The following ZNF701 variants were observed in gnomAD, a reference collection of about 807,000 sequenced individuals.
The protein encoded by ZNF701 is zinc finger protein 701.
ZNF701 carries 6 observed loss-of-function variants against 7.1 expected under a neutral mutation model. The observed-to-expected ratio is 0.84, with a 90% confidence interval of 0.46 to 1.66. ZNF701 has a LOEUF of 1.66. Ranked by LOEUF, ZNF701 falls within the 40% of genes most tolerant of loss-of-function variation. The probability of loss-of-function intolerance (pLI) is 0.01; values close to 1 mark genes in which losing one functional copy is unlikely to be tolerated. For synonymous variants in ZNF701, 166 were observed against 188.2 expected, an observed-to-expected ratio of 0.88 and a Z score of 0.97; for missense variants, 541 against 559.2, an observed-to-expected ratio of 0.97 and a Z score of 0.33.
intron 3 of ZNF701, among the ~76,000 whole-genome samples, chr19:52,579,164 G>A (rs1350172894): frequency 7.0e-6 from 1 of 143,538 alleles, no homozygotes; most frequent in Non-Finnish European, 1.5e-5. Flanking sequence ...AAATAATTCC[G>A]ACAAAAATAA....
At chr19:52,595,880 A>G in the ZNF701 span, 13 of 1,613,132 alleles carry the variant, frequency 8.1e-6, no homozygotes, top group Non-Finnish European at 1.1e-5. Flanking sequence ...AAACAAGCCT[A>G]TTAAAGATCA....
downstream of ZNF701, among the ~76,000 whole-genome samples, chr19:52,591,023 A>G (rs549538291): frequency 3.9e-5 from 6 of 152,200 alleles, no homozygotes; most frequent in African/African-American, 1.2e-4. Context: ...TATTTTTAAT[A>G]GAGACGGGGT....
the ZNF701 span, chr19:52,596,044 G>T: frequency 0.43 from 613,804 of 1,422,068 alleles, 133,279 homozygotes; most frequent in Middle Eastern, 0.52. Flanking sequence ...TTTCTATTAA[G>T]TATGGGAAGA....
chr19:52,582,490 T>G lies in ZNF701; in HGVS notation c.431T>G (p.Phe144Cys). The G allele has an allele frequency of 6.2e-7, 1 of 1,614,208 alleles. No homozygotes were observed. The highest frequency in any genetic ancestry group is 8.5e-7 in the Non-Finnish European group (1 of 1,180,046). Residue 144 changes from phenylalanine to cysteine, a missense_variant, in exon 4 of 4, where the codon TTT (phenylalanine) becomes TGT (cysteine). Transcript: ENST00000391785. ...KPIKNELGSS[F>C]HSHLPEVHIF... is the part of the protein sequence containing the mutation. Reference sequence around the variant, plus strand: ...ATTAAAAATGAGCTTGGATCAAGCTTTCATTCGCATCTGCCTGAAGTGCAC... The same window carrying G: ...ATTAAAAATGAGCTTGGATCAAGCTGTCATTCGCATCTGCCTGAAGTGCAC...
the ZNF701 span, among the ~76,000 whole-genome samples, chr19:52,593,205 C>T: frequency 4.2e-5 from 5 of 118,460 alleles, 2 homozygotes; most frequent in East Asian, 4.4e-4. Context: ...CACAACCATC[C>T]GATTTCTCAA....
rs1412333571 is a variant in ZNF701, at chr19:52,582,222, A to T, written c.163A>T (p.Met55Leu). ...TGTAGATACCTCTTCCAAATGCATG[A>T]TGAAGATGTTCTCATCAACAGGACA... The part of the protein sequence containing the change: ...VSLDTSSKCM[M>L]KMFSSTGQGN... Residue 55 changes from methionine to leucine, a missense_variant, in exon 4 of 4, where the codon ATG (methionine) becomes TTG (leucine). Transcript: ENST00000391785. 6.3e-7 allele frequency: 1 copy of T among 1,584,000 alleles called. No individual in the cohort carries two copies. The highest frequency in any genetic ancestry group is 1.8e-5 in the Admixed American group (1 of 54,056).
chr19:52,579,520 CAAAAAAAAAAA>C (rs34682718), intron 3 of ZNF701, among the ~76,000 whole-genome samples: 5 of 60,194 alleles, frequency 8.3e-5, no homozygotes, highest in Non-Finnish European at 1.1e-4. Context: ...AACTCTGTCT[CAAAAAAAAAAA>C]AAAAAAAAAA....
chr19:52,591,402 A>G (rs1342908767), downstream of ZNF701, among the ~76,000 whole-genome samples: 1 of 151,844 alleles, frequency 6.6e-6, no homozygotes, highest in East Asian at 1.9e-4. Context: ...GTTGTTCTTG[A>G]ACTCCTGACC....
intron 1 of ZNF701, among the ~76,000 whole-genome samples, 171 bp downstream of exon 1, chr19:52,570,501 A>G (rs949581338): frequency 2.6e-5 from 4 of 152,150 alleles, no homozygotes; most frequent in African/African-American, 9.6e-5. Context: ...TTGTGTTTAA[A>G]GTCGCCCTGA....
downstream of ZNF701, among the ~76,000 whole-genome samples, chr19:52,589,478 CTT>C (rs11414668): frequency 1.4e-5 from 2 of 138,780 alleles, no homozygotes; most frequent in East Asian, 2.1e-4. Flanking sequence ...CACATGCCTG[CTT>C]TTTTTTTTTT....
At chr19:52,589,281 T>C (rs1016639004), downstream of ZNF701, among the ~76,000 whole-genome samples, 1 of 152,222 alleles carries the variant, frequency 6.6e-6, no homozygotes, top group Non-Finnish European at 1.5e-5. Context: ...TTATATTTTC[T>C]ATTCCTTGAG....
chr19:52,574,035 G>A (rs2059916945), intron 1 of ZNF701, 42 bp from the exon 2 acceptor site: 43 of 1,585,510 alleles, frequency 2.7e-5, no homozygotes, highest in Middle Eastern at 3.3e-4. Context: ...GGCAGGAGGT[G>A]TGTTGATTCT....
At chr19:52,574,229 G>C in intron 2 of ZNF701, 67 bp downstream of exon 2, 2 of 1,590,460 alleles carry the variant, frequency 1.3e-6, no homozygotes, top group South Asian at 1.1e-5. Context: ...TTGGAGTTGG[G>C]AATCTTCTCT....
chr19:52,584,120 C>A lies in ZNF701; in HGVS notation c.*663C>A, dbSNP rs529637534. ...CAGAGGATCCATACTGGACAGAAATCTTACAAACGTCCTATGTGTGGCAAG... is the reference window on the plus strand; with the variant it reads ...CAGAGGATCCATACTGGACAGAAATATTACAAACGTCCTATGTGTGGCAAG... On this transcript the variant is annotated 3_prime_UTR_variant, in exon 4 of 4. Coordinates refer to ENST00000391785, the MANE Select transcript of ZNF701 (RefSeq NM_018260.3). The A allele has an allele frequency of 2.0e-4, 71 of 363,772 alleles. No individual in the cohort carries two copies. Among genetic ancestry groups the A allele is most frequent in the South Asian group, 1.4e-3 (60 of 43,932 alleles). 22.5% of individuals were successfully genotyped at this position (363,772 alleles called of 1,614,324 possible).
the ZNF701 span, among the ~76,000 whole-genome samples, chr19:52,599,768 A>G: frequency 6.6e-6 from 1 of 152,082 alleles, no homozygotes; most frequent in African/African-American, 2.4e-5. Flanking sequence ...ATATATTCTA[A>G]ATTTTATTAT....
Position 52,582,328 on chromosome 19 carries a change from T to C in ZNF701, c.269T>C (p.Ile90Thr), listed in dbSNP as rs144734242. The change falls in exon 4 of 4, where the codon ATT (isoleucine) becomes ACT (threonine). Residue 90 changes from isoleucine to threonine, a missense_variant. Coordinates refer to ENST00000391785, the MANE Select transcript of ZNF701 (RefSeq NM_018260.3). Reference sequence around the variant, plus strand: ...ATTGGAGATACTTGCTTCCAGGAAATTGAGAAAGATATTCATGACTTTGTG... The same window carrying C: ...ATTGGAGATACTTGCTTCCAGGAAACTGAGAAAGATATTCATGACTTTGTG... ...HHIGDTCFQE[I>T]EKDIHDFVFQ... 1.9e-6 allele frequency: 3 copies of C among 1,613,868 alleles called. No individual in the cohort carries two copies. Among genetic ancestry groups the C allele is most frequent in the African/African-American group, 2.7e-5 (2 of 74,886 alleles).
chr19:52,578,034 C>G (rs1421757071), intron 3 of ZNF701, among the ~76,000 whole-genome samples: 1 of 151,910 alleles, frequency 6.6e-6, no homozygotes, highest in Non-Finnish European at 1.5e-5. Context: ...GCGGGCAGAT[C>G]AAGAGGTCAG....
intron 2 of ZNF701, 126 bp downstream of exon 2, chr19:52,574,288 C>G (rs2059919125): frequency 6.9e-7 from 1 of 1,446,962 alleles, no homozygotes; most frequent in Non-Finnish European, 9.6e-7. Context: ...CAACTCATGC[C>G]TTCCCTCAGT....
At chr19:52,587,329 C>A (rs1055857544), downstream of ZNF701, among the ~76,000 whole-genome samples, 1 of 152,128 alleles carries the variant, frequency 6.6e-6, no homozygotes, top group African/African-American at 2.4e-5. Flanking sequence ...CTGACTTCAT[C>A]TCCTGCCTGT....
Sources: allele counts gnomAD v4.1 joint callset (sites outside exome capture counted in the v4.1 genomes callset), GRCh38; gene constraint gnomAD v4.1.1; transcripts MANE v1.5; gene names NCBI Gene and HGNC (gene_info 2026-07-23, HGNC 2026-07-21).